AGPS: variants seen among roughly 807,000 people sequenced by gnomAD.
AGPS encodes alkylglycerone phosphate synthase.
A neutral mutation model predicts 90.7 loss-of-function variants in AGPS; 26 were observed. The ratio of observed to expected loss-of-function variants is 0.29; its 90% confidence interval spans 0.21 to 0.40. AGPS has a LOEUF of 0.40. AGPS is among the 10% of genes least tolerant of loss of function. The pLI is 1.00. For missense variants in AGPS, 540 were observed against 816.1 expected (o/e 0.66, Z 4.12); for synonymous variants, 294 against 285.3 (o/e 1.03, Z -0.31).
chr2:177,463,426 T>C (rs997870188), intron 9 of AGPS, among the ~76,000 whole-genome samples: 2 of 152,198 alleles, frequency 1.3e-5, no homozygotes, highest in Non-Finnish European at 2.9e-5. Context: ...TTCATAGTAG[T>C]TTAAAAGAAC....
chr2:177,466,911 C>T lies in AGPS; in HGVS notation c.997-1505C>T, dbSNP rs78553294. Among the ~76,000 whole-genome samples, 993 of 152,058 alleles carry T rather than the reference C, an allele frequency of 6.5e-3. 9 individuals are homozygous for T. The highest frequency in any genetic ancestry group is 0.023 in the African/African-American group (951 of 41,484). On this transcript the variant is annotated intron_variant, in intron 9 of 19. Transcript: ENST00000264167. ...GGAGGGTAGGATTCCTGCGTGCTTC[C>T]GGCCCCCAAGAGCACAGGGATGCCT...
intron 1 of AGPS, among the ~76,000 whole-genome samples, chr2:177,411,028 C>A (rs1046584780): frequency 2.0e-5 from 3 of 152,130 alleles, no homozygotes; most frequent in Admixed American, 6.5e-5. Flanking sequence ...TTTCGGTGTT[C>A]CAGAGCCTCA....
chr2:177,517,346 T>C (rs1689048161), intron 17 of AGPS, among the ~76,000 whole-genome samples: 1 of 152,188 alleles, frequency 6.6e-6, no homozygotes, highest in South Asian at 2.1e-4. Flanking sequence ...TTTGGTACAA[T>C]CATCCTATTT....
rs1242740968 is a variant in AGPS at position 177,499,876 on chromosome 2, A to G, written c.1475+146A>G. The G allele has an allele frequency of 2.8e-5, 17 of 600,076 alleles. 1 individual carries two copies. In the South Asian group the frequency reaches 3.6e-4, roughly 13 times the overall value. 37.2% of individuals were successfully genotyped at this position (600,076 alleles called of 1,614,324 possible). Reference sequence around the variant, plus strand: ...GTTATTAATTTCAGTTTAGTGTTAAATTTGTGGTAATTTATGATAGTAAAC... The same window carrying G: ...GTTATTAATTTCAGTTTAGTGTTAAGTTTGTGGTAATTTATGATAGTAAAC... On this transcript the variant is annotated intron_variant, in intron 14 of 19. Coordinates refer to ENST00000264167, the MANE Select transcript of AGPS (RefSeq NM_003659.4).
At chr2:177,516,506 A>C (rs1038499266) in intron 17 of AGPS, among the ~76,000 whole-genome samples, 3 of 152,134 alleles carry the variant, frequency 2.0e-5, no homozygotes, top group Non-Finnish European at 4.4e-5. Flanking sequence ...CTATTGTAAA[A>C]GGTGTTAGAT....
At chr2:177,450,975 T>TATATATACATATA (rs1434749270) in intron 8 of AGPS, among the ~76,000 whole-genome samples, 1 of 136,568 alleles carries the variant, frequency 7.3e-6, no homozygotes, top group African/African-American at 3.6e-5. Context: ...TATATATATA[T>TATATATACATATA]TTTAGAGACA....
At chr2:177,450,427 A>C (rs1356490658) in intron 8 of AGPS, among the ~76,000 whole-genome samples, 1 of 152,188 alleles carries the variant, frequency 6.6e-6, no homozygotes, top group East Asian at 1.9e-4. Context: ...TCTTAGATTT[A>C]GGTCTCTAAT....
chr2:177,421,441 AATTTTTCT>A (rs1458036262), intron 2 of AGPS, among the ~76,000 whole-genome samples: 7 of 152,092 alleles, frequency 4.6e-5, no homozygotes, highest in Non-Finnish European at 5.9e-5. Flanking sequence ...ATGTATTAAT[AATTTTTCT>A]ATTTTTCTGA....
intron 13 of AGPS, among the ~76,000 whole-genome samples, chr2:177,497,983 G>A (rs1423142760): frequency 6.6e-6 from 1 of 151,686 alleles, no homozygotes; most frequent in Non-Finnish European, 1.5e-5. Flanking sequence ...AAATAACACT[G>A]CATTTGAACA....
intron 18 of AGPS, among the ~76,000 whole-genome samples, chr2:177,523,376 G>A (rs1689254998): frequency 6.6e-6 from 1 of 152,184 alleles, no homozygotes. Flanking sequence ...GAAGCAGTCA[G>A]TAAATTTTAG....
chr2:177,511,362 T>C (rs1688866288), intron 16 of AGPS, among the ~76,000 whole-genome samples: 1 of 152,040 alleles, frequency 6.6e-6, no homozygotes, highest in Admixed American at 6.6e-5. Context: ...CCTTCGAAAG[T>C]GCTGAGATTA....
intron 8 of AGPS, among the ~76,000 whole-genome samples, chr2:177,455,352 T>A (rs1687080843): frequency 6.6e-6 from 1 of 152,244 alleles, no homozygotes; most frequent in South Asian, 2.1e-4. Context: ...TCTGTTTCTG[T>A]GGAGCGCTAA....
At chr2:177,520,085 G>A (rs577158242) in intron 17 of AGPS, among the ~76,000 whole-genome samples, 8 of 152,278 alleles carry the variant, frequency 5.3e-5, no homozygotes, top group Admixed American at 3.3e-4. Flanking sequence ...CACTCTCCTG[G>A]CCATCTTGGT....
At chr2:177,464,450 C>T (rs1013763142) in intron 9 of AGPS, among the ~76,000 whole-genome samples, 48 of 152,258 alleles carry the variant, frequency 3.2e-4, no homozygotes, top group African/African-American at 1.1e-3. Context: ...AGCACAGTAA[C>T]GATGCTCATA....
At chr2:177,428,323 A>G (rs1040450174) in intron 2 of AGPS, among the ~76,000 whole-genome samples, 123 of 152,230 alleles carry the variant, frequency 8.1e-4, no homozygotes, top group African/African-American at 2.8e-3. Flanking sequence ...GCCCATTTAC[A>G]TTTAAGGTTT....
At chr2:177,411,945 C>G (rs1644765136) in intron 1 of AGPS, among the ~76,000 whole-genome samples, 3 of 152,054 alleles carry the variant, frequency 2.0e-5, no homozygotes, top group African/African-American at 4.8e-5. Context: ...GAGAGCAGTC[C>G]TCCTAGCCAT....
At chr2:177,494,684 T>C (rs1688362753) in intron 12 of AGPS, among the ~76,000 whole-genome samples, 1 of 152,200 alleles carries the variant, frequency 6.6e-6, no homozygotes, top group Non-Finnish European at 1.5e-5. Context: ...ACTTACTTGC[T>C]CCCCTCTAGC....
chr2:177,401,938 C>A (rs763467585), intron 1 of AGPS, among the ~76,000 whole-genome samples: 4 of 152,174 alleles, frequency 2.6e-5, no homozygotes, highest in Non-Finnish European at 5.9e-5. Flanking sequence ...CCTTCACAAT[C>A]TTTCACATTC....
chr2:177,519,255 C>T (rs1236438074), intron 17 of AGPS, among the ~76,000 whole-genome samples: 2 of 152,068 alleles, frequency 1.3e-5, no homozygotes, highest in Non-Finnish European at 2.9e-5. Context: ...TTGATTTCTC[C>T]TATATCTTAG....
Sources: allele counts gnomAD v4.1 joint callset (sites outside exome capture counted in the v4.1 genomes callset), GRCh38; gene constraint gnomAD v4.1.1; transcripts MANE v1.5; gene names NCBI Gene and HGNC (gene_info 2026-07-23, HGNC 2026-07-21).